ATG7: variants seen among roughly 807,000 people sequenced by gnomAD.
ATG7 encodes autophagy related 7.
Under a neutral mutation model 82.4 loss-of-function variants are expected in ATG7, and 70 were observed. The observed-to-expected ratio is 0.85, with a 90% CI of 0.70 to 1.04. The LOEUF (loss-of-function observed/expected upper bound fraction) is 1.04, where lower values mean the gene tolerates loss of function less well. Among genes scored for constraint, ATG7 ranks in the 50% least tolerant of loss-of-function variants. The pLI, the probability that ATG7 is intolerant of heterozygous loss-of-function variation, is 0.00. For missense variants in ATG7, 792 were observed against 864.3 expected (o/e 0.92, Z 1.05); for synonymous variants, 287 against 313.0 (o/e 0.92, Z 0.88).
At chr3:11,451,412 A>G (rs1369513011) in intron 20 of ATG7, among the ~76,000 whole-genome samples, 7 of 152,088 alleles carry the variant, frequency 4.6e-5, no homozygotes, top group African/African-American at 1.4e-4. Context: ...GGGTTTTACC[A>G]TGTTGGCTAG....
At chr3:11,355,722 T>G (rs1041820447) in intron 14 of ATG7, among the ~76,000 whole-genome samples, 4 of 152,214 alleles carry the variant, frequency 2.6e-5, no homozygotes, top group Non-Finnish European at 1.5e-5. Flanking sequence ...CTAAATGTTG[T>G]CAGGGTGTGG....
At chr3:11,290,929 C>G (rs2152673242) in intron 3 of ATG7, among the ~76,000 whole-genome samples, 1 of 152,272 alleles carries the variant, frequency 6.6e-6, no homozygotes, top group Middle Eastern at 3.4e-3. Context: ...GTGATCCACC[C>G]ACCTCAGCCT....
intron 20 of ATG7, among the ~76,000 whole-genome samples, chr3:11,439,990 G>C (rs2083728156): frequency 6.6e-6 from 1 of 152,206 alleles, no homozygotes; most frequent in South Asian, 2.1e-4. Flanking sequence ...GAGGTTTACA[G>C]TACACTTCAT....
At chr3:11,438,282 G>T (rs1351247668) in intron 20 of ATG7, among the ~76,000 whole-genome samples, 1 of 152,164 alleles carries the variant, frequency 6.6e-6, no homozygotes, top group Non-Finnish European at 1.5e-5. Context: ...TCCATCCAGG[G>T]TCCCCAATGG....
At chr3:11,486,562 T>C (rs543297808) in intron 20 of ATG7, among the ~76,000 whole-genome samples, 1 of 150,948 alleles carries the variant, frequency 6.6e-6, no homozygotes, top group Non-Finnish European at 1.5e-5. Context: ...TGGCCAGAAC[T>C]TCCAACACTA....
intron 19 of ATG7, among the ~76,000 whole-genome samples, chr3:11,398,075 C>T (rs2079474834): frequency 6.8e-6 from 1 of 146,520 alleles, no homozygotes; most frequent in Admixed American, 6.7e-5. Context: ...CAGAGCAAGA[C>T]TCTGTCTCCA....
In ATG7 at chr3:11,506,587, C is replaced by CAAAAAA. The variant is rs1275955326; in HGVS notation, c.2080-48219_2080-48218insAAAAAA. ...AAAAAAAAAAAAAAAAAAAAAAACCCAAAAATTAGCTGGGAGTGGTGGCAG... is the reference window on the plus strand; with the variant it reads ...AAAAAAAAAAAAAAAAAAAAAAACCCAAAAAAAAAAATTAGCTGGGAGTGGTGGCAG... On this transcript the variant is annotated intron_variant, in intron 20 of 20. Coordinates refer to ENST00000693202, the MANE Select transcript of ATG7 (RefSeq NM_001349232.2). Among the ~76,000 whole-genome samples the CAAAAAA allele has an allele frequency of 2.7e-3, 322 of 119,496 alleles. 5 individuals carry two copies. The highest frequency in any genetic ancestry group is 9.7e-3 in the South Asian group (33 of 3,416). The allele number at this position is 119,496 out of a possible 152,430, so 78.4% of individuals were successfully genotyped here.
At chr3:11,565,939 A>C in the ATG7 span, among the ~76,000 whole-genome samples, 5 of 152,168 alleles carry the variant, frequency 3.3e-5, no homozygotes, top group African/African-American at 1.2e-4. This position sits in a 1 kb window ranked among gnomAD's most constrained non-coding sequence, Gnocchi z 4.1. Context: ...CCACCATATT[A>C]TCCGCTGACA....
intron 20 of ATG7, among the ~76,000 whole-genome samples, chr3:11,466,721 C>A (rs886852349): frequency 4.6e-5 from 7 of 152,212 alleles, no homozygotes; most frequent in Non-Finnish European, 1.5e-5. Flanking sequence ...TGTTCAATAT[C>A]ATCTATAGAA....
intron 20 of ATG7, among the ~76,000 whole-genome samples, chr3:11,506,555 A>C (rs1160200633): frequency 1.1e-3 from 20 of 18,102 alleles, no homozygotes; most frequent in African/African-American, 5.8e-3. Context: ...CCATCTCTAC[A>C]AAAAAAAAAA....
At chr3:11,559,228 A>C, downstream of ATG7, 1 of 1,434,962 alleles carries the variant, frequency 7.0e-7, no homozygotes, top group Non-Finnish European at 9.1e-7. Flanking sequence ...AACCTCAGCA[A>C]TAGATGGGCT....
At chr3:11,363,944 A>T (rs2076436364) in intron 17 of ATG7, among the ~76,000 whole-genome samples, 1 of 152,106 alleles carries the variant, frequency 6.6e-6, no homozygotes, top group African/African-American at 2.4e-5. Context: ...TTTGTCATCC[A>T]CCTTAGCTAT....
At chr3:11,327,445 G>C (rs1951036845) in intron 9 of ATG7, among the ~76,000 whole-genome samples, 2 of 152,180 alleles carry the variant, frequency 1.3e-5, no homozygotes, top group Admixed American at 1.3e-4. Flanking sequence ...GGACATGCAG[G>C]TATTGGTGGT....
intron 20 of ATG7, among the ~76,000 whole-genome samples, chr3:11,437,592 G>C (rs2152960736): frequency 6.6e-6 from 1 of 152,136 alleles, no homozygotes; most frequent in East Asian, 1.9e-4. Context: ...AGATTTTTTA[G>C]CTTGAAAATT....
chr3:11,273,201 A>T lies in ATG7; in HGVS notation c.-366+771A>T, dbSNP rs569774832. ...CTCAGTTTTTACAAAACCCTGTTCA[A>T]CTGTAACCAGTCATATCTGTGGCTG... On this transcript the variant is annotated intron_variant, in intron 1 of 20. Coordinates refer to ENST00000693202, the MANE Select transcript of ATG7 (RefSeq NM_001349232.2). Among the ~76,000 whole-genome samples, 102 of 152,350 alleles carry T rather than the reference A, an allele frequency of 6.7e-4. 1 individual carries two copies. The South Asian group carries it at 0.021, about 31-fold the overall frequency.
chr3:11,435,179 A>G (rs551555809), intron 20 of ATG7, among the ~76,000 whole-genome samples: 5 of 152,346 alleles, frequency 3.3e-5, no homozygotes, highest in Non-Finnish European at 4.4e-5. Context: ...TTTGGTATCT[A>G]TTATATCTAG....
At chr3:11,570,537 A>G in the ATG7 span, among the ~76,000 whole-genome samples, 2 of 152,200 alleles carry the variant, frequency 1.3e-5, no homozygotes, top group African/African-American at 4.8e-5. Flanking sequence ...CGCACGGGTG[A>G]CCACATACCA....
intron 19 of ATG7, among the ~76,000 whole-genome samples, chr3:11,420,753 C>CTTTTTTT (rs869277638): frequency 7.9e-6 from 1 of 126,050 alleles, no homozygotes; most frequent in African/African-American, 3.1e-5. Flanking sequence ...ATACAAAATA[C>CTTTTTTT]TTTTTTTTTT....
intron 3 of ATG7, among the ~76,000 whole-genome samples, chr3:11,298,110 C>T (rs1331124830): frequency 1.3e-5 from 2 of 151,394 alleles, no homozygotes. Context: ...ACCCGGGAGG[C>T]GGAGGTTGTA....
Sources: allele counts gnomAD v4.1 joint callset (sites outside exome capture counted in the v4.1 genomes callset), GRCh38; gene constraint gnomAD v4.1.1; non-coding constraint Gnocchi (gnomAD v3.1); transcripts MANE v1.5; gene names NCBI Gene and HGNC (gene_info 2026-07-23, HGNC 2026-07-21).